The following RNF17 variants were observed in gnomAD, a reference collection of about 807,000 sequenced individuals.
RNF17 encodes ring finger protein 17, also known as spermatogenesis associated 23.
RNF17 carries 31 observed loss-of-function variants against 200.5 expected under a neutral mutation model. The ratio of observed to expected loss-of-function variants is 0.15; its 90% confidence interval spans 0.12 to 0.21. The LOEUF (loss-of-function observed/expected upper bound fraction) is 0.21. Among genes scored for constraint, RNF17 ranks in the 10% least tolerant of loss-of-function variants. The probability of loss-of-function intolerance (pLI) is 1.00; values close to 1 mark genes in which losing one functional copy is unlikely to be tolerated. For missense variants in RNF17, 1,628 were observed against 1,905.1 expected (o/e 0.85, Z 2.71); for synonymous variants, 606 against 637.8 (o/e 0.95, Z 0.75).
chr13:24,880,188 C>T (rs1953770612), downstream of RNF17, among the ~76,000 whole-genome samples: 1 of 152,120 alleles, frequency 6.6e-6, no homozygotes, highest in South Asian at 2.1e-4. Context: ...AGGAAACCTA[C>T]AAACATGGGG....
chr13:24,768,442 G>A (rs1377284893), intron 2 of RNF17, among the ~76,000 whole-genome samples: 3 of 151,854 alleles, frequency 2.0e-5, no homozygotes, highest in Non-Finnish European at 4.4e-5. Context: ...GTGCCACCAC[G>A]CCCGACTAAT....
intron 3 of RNF17, 28 bp from the exon 4 acceptor site, chr13:24,778,267 A>T: frequency 1.4e-6 from 2 of 1,444,940 alleles, no homozygotes; most frequent in Non-Finnish European, 1.9e-6. Flanking sequence ...GTCACAAAAA[A>T]TAAAATAATA....
At chr13:24,849,888 T>C (rs1306254165) in intron 22 of RNF17, among the ~76,000 whole-genome samples, 1 of 152,170 alleles carries the variant, frequency 6.6e-6, no homozygotes, top group African/African-American at 2.4e-5. Context: ...AAAGAGACTT[T>C]TTTTCTTTCT....
At chr13:24,769,173 G>A (rs9553437) in intron 2 of RNF17, among the ~76,000 whole-genome samples, 2 of 149,030 alleles carry the variant, frequency 1.3e-5, no homozygotes, top group Non-Finnish European at 3.0e-5. Context: ...GTCCATATCC[G>A]TCCTGTTCTA....
chr13:24,819,123 A>T (rs953379717), intron 15 of RNF17, among the ~76,000 whole-genome samples: 2 of 152,190 alleles, frequency 1.3e-5, no homozygotes, highest in Non-Finnish European at 2.9e-5. Flanking sequence ...ATTACCATGC[A>T]ATAGATTTCT....
chr13:24,774,199 A>T (rs1359139983), intron 2 of RNF17, among the ~76,000 whole-genome samples: 2 of 149,708 alleles, frequency 1.3e-5, no homozygotes, highest in African/African-American at 2.5e-5. Context: ...ATATGTTACT[A>T]TTTTTTTTTT....
chr13:24,794,114 ATAGT>A (rs1208703063), intron 10 of RNF17: 3 of 427,986 alleles, frequency 7.0e-6, no homozygotes, highest in African/African-American at 2.1e-5. Context: ...CATTGTTAAC[ATAGT>A]TAGTACAAGT....
intron 15 of RNF17, among the ~76,000 whole-genome samples, chr13:24,821,147 C>G (rs1000853659): frequency 6.6e-6 from 1 of 152,190 alleles, no homozygotes; most frequent in Non-Finnish European, 1.5e-5. Flanking sequence ...ACCCTGATCT[C>G]TCCCTTCATC....
chr13:24,789,197 C>G (rs556483414), intron 7 of RNF17, 151 bp from the exon 8 acceptor site: 10 of 549,404 alleles, frequency 1.8e-5, no homozygotes, highest in Non-Finnish European at 3.4e-5. Context: ...GTCATAAACA[C>G]TTATTTGTAT....
chr13:24,847,220 T>C (rs1891350537), intron 22 of RNF17, among the ~76,000 whole-genome samples: 1 of 152,180 alleles, frequency 6.6e-6, no homozygotes, highest in South Asian at 2.1e-4. Flanking sequence ...GAACTATTAT[T>C]ATCTTCATAT....
chr13:24,810,262 A>C (rs1886429027), intron 15 of RNF17, among the ~76,000 whole-genome samples: 1 of 146,980 alleles, frequency 6.8e-6, no homozygotes, highest in Non-Finnish European at 1.5e-5. Flanking sequence ...CCCACTATTA[A>C]TGTGTGGGAG....
chr13:24,753,867 T>G, the RNF17 span, among the ~76,000 whole-genome samples: 1 of 152,074 alleles, frequency 6.6e-6, no homozygotes, highest in Non-Finnish European at 1.5e-5. Context: ...GATAGAAATA[T>G]GAAAACTGGC....
chr13:24,845,414 T>A (rs1401636269), intron 22 of RNF17, among the ~76,000 whole-genome samples: 1 of 152,202 alleles, frequency 6.6e-6, no homozygotes, highest in Non-Finnish European at 1.5e-5. Context: ...TGGAGGATTC[T>A]GGGAAAATGA....
intron 18 of RNF17, among the ~76,000 whole-genome samples, chr13:24,837,833 G>A (rs1241249996): frequency 6.6e-6 from 1 of 151,956 alleles, no homozygotes; most frequent in African/African-American, 2.4e-5. Flanking sequence ...TAACCAAGAT[G>A]AGAGCAGAAC....
chr13:24,767,284 A>T lies in RNF17; in HGVS notation c.143A>T (p.Glu48Val). 6.2e-7 allele frequency: 1 copy of T among 1,602,918 alleles called. No individual in the cohort carries two copies. Among genetic ancestry groups the T allele is most frequent in the Non-Finnish European group, 8.5e-7 (1 of 1,170,304 alleles). The change falls in exon 2 of 36, where the codon GAA (glutamate) becomes GTA (valine). Residue 48 changes from glutamate to valine, a missense_variant. Physicochemically the swap from Glu to Val is moderately radical, Grantham distance 121. This residue lies in a region of RNF17 where 502 missense variants were observed against 501.7 expected (regional missense o/e 1.00). Coordinates refer to ENST00000255324, the MANE Select transcript of RNF17 (RefSeq NM_031277.3). ...RVSRSSGHHC[E>V]LQCGHAFCEL... The stretch of plus-strand genomic sequence containing the variant: ...ATTTCATCAATAGGTCACCATTGTG[A>T]ACTTCAATGTGGACATGCTTTTTGT...
intron 15 of RNF17, among the ~76,000 whole-genome samples, chr13:24,821,904 G>A (rs1399397826): frequency 6.6e-6 from 1 of 152,152 alleles, no homozygotes; most frequent in Non-Finnish European, 1.5e-5. Flanking sequence ...CACGAAGAAA[G>A]TTAAGGACAC....
In RNF17 at chr13:24,831,932, A is replaced by G. The variant is rs771982099; in HGVS notation, c.2436A>G (p.Lys812=). Residue 812 remains lysine, a synonymous_variant, in exon 18 of 36, where the codon AAA becomes AAG. Transcript: ENST00000255324. ...TMQWSKEAKE[K]FEEKAQDKFM... Reference sequence around the variant, plus strand: ...AGTGGTCCAAAGAAGCTAAAGAAAAATTTGAAGAAAAGGCTCAAGATAAAT... The same window carrying G: ...AGTGGTCCAAAGAAGCTAAAGAAAAGTTTGAAGAAAAGGCTCAAGATAAAT... 72 of 1,605,390 alleles carry G rather than the reference A, an allele frequency of 4.5e-5. No homozygotes were observed. The highest frequency in any genetic ancestry group is 6.7e-5 in the Admixed American group (4 of 59,548).
the RNF17 span, among the ~76,000 whole-genome samples, chr13:24,747,824 G>T: frequency 1.3e-5 from 2 of 152,266 alleles, no homozygotes; most frequent in African/African-American, 4.8e-5. Context: ...CAAACCTCGG[G>T]AGAGAAGGTG....
At chr13:24,777,741 T>C (rs1469561416) in intron 3 of RNF17, among the ~76,000 whole-genome samples, 2 of 152,178 alleles carry the variant, frequency 1.3e-5, no homozygotes, top group South Asian at 2.1e-4. Context: ...GGACCAGTAA[T>C]TAAGAAATTA....
Sources: gnomAD v4.1 joint callset for allele counts (sites outside exome capture counted in the v4.1 genomes callset) on GRCh38, gnomAD v4.1.1 for gene constraint, gnomAD v4.1.1 regional missense constraint, MANE v1.5 for transcripts, NCBI Gene and HGNC (gene_info 2026-07-23, HGNC 2026-07-21) for gene names.